Variants in ERICH6B observed in about 807,000 individuals in gnomAD.
ERICH6B encodes glutamate-rich protein 6B.
A neutral mutation model predicts 80.0 loss-of-function variants in ERICH6B; 69 were observed. The ratio of observed to expected loss-of-function variants is 0.86; its 90% CI spans 0.71 to 1.05. ERICH6B has a LOEUF of 1.05. ERICH6B is among the 50% of genes least tolerant of loss of function. ERICH6B has a pLI of 0.00. For synonymous variants in ERICH6B, 283 were observed against 291.9 expected (o/e 0.97, Z 0.31); for missense variants, 754 against 796.1 (o/e 0.95, Z 0.64).
intron 2 of ERICH6B, among the ~76,000 whole-genome samples, chr13:45,604,451 G>C (rs548382229): frequency 7.0e-4 from 107 of 152,266 alleles, no homozygotes; most frequent in African/African-American, 2.5e-3. Context: ...GGGGAGCTAA[G>C]GTTCTGTGTG....
intron 9 of ERICH6B, among the ~76,000 whole-genome samples, chr13:45,564,941 C>T (rs369159924): frequency 5.3e-5 from 8 of 152,156 alleles, no homozygotes; most frequent in African/African-American, 1.2e-4. Context: ...CCCCATCAGG[C>T]GGCTCTTCAA....
intron 11 of ERICH6B, among the ~76,000 whole-genome samples, chr13:45,560,599 C>T (rs1874630938): frequency 6.6e-6 from 1 of 152,208 alleles, no homozygotes; most frequent in Non-Finnish European, 1.5e-5. Context: ...CCCTAAAACT[C>T]CTGTGTTTCA....
intron 8 of ERICH6B, among the ~76,000 whole-genome samples, chr13:45,569,852 A>T (rs1875078351): frequency 6.6e-6 from 1 of 152,186 alleles, no homozygotes; most frequent in South Asian, 2.1e-4. Flanking sequence ...TCAGTGCTTC[A>T]GGACAGGTTG....
intron 5 of ERICH6B, among the ~76,000 whole-genome samples, chr13:45,586,252 A>C (rs1875895428): frequency 2.6e-5 from 4 of 151,984 alleles, no homozygotes. Flanking sequence ...TCCTAATTTC[A>C]TTTAACCACA....
intron 8 of ERICH6B, among the ~76,000 whole-genome samples, chr13:45,568,782 T>C (rs1875031430): frequency 1.3e-5 from 2 of 152,222 alleles, no homozygotes; most frequent in South Asian, 4.1e-4. Context: ...CATAAGATGG[T>C]TAGCAAGAAT....
chr13:45,572,873 AATGGAGGAG>A (rs2137991096), intron 8 of ERICH6B, among the ~76,000 whole-genome samples: 1 of 152,306 alleles, frequency 6.6e-6, no homozygotes, highest in African/African-American at 2.4e-5. Context: ...CACCTTTCAT[AATGGAGGAG>A]ATGCAAAAAC....
At chr13:45,548,324 C>T (rs538313880) in intron 13 of ERICH6B, among the ~76,000 whole-genome samples, 5 of 152,314 alleles carry the variant, frequency 3.3e-5, no homozygotes, top group Admixed American at 6.5e-5. Flanking sequence ...CAGTTAGGGT[C>T]GTGCCCTGAC....
intron 2 of ERICH6B, among the ~76,000 whole-genome samples, chr13:45,606,831 G>C (rs147076568): frequency 6.6e-6 from 1 of 151,930 alleles, no homozygotes. Flanking sequence ...TGGTATTACA[G>C]GCGTGAGCCA....
chr13:45,564,224 C>T (rs1008951047), intron 9 of ERICH6B, among the ~76,000 whole-genome samples: 1 of 152,186 alleles, frequency 6.6e-6, no homozygotes, highest in African/African-American at 2.4e-5. Flanking sequence ...TTTCAAATAG[C>T]CTTACTCAAA....
chr13:45,591,370 G>T (rs530980986), intron 3 of ERICH6B, among the ~76,000 whole-genome samples: 1 of 152,210 alleles, frequency 6.6e-6, no homozygotes, highest in Non-Finnish European at 1.5e-5. Context: ...GCTGAGGCGG[G>T]CGGATCACAA....
chr13:45,545,749 G>C (rs1456196533), intron 13 of ERICH6B, among the ~76,000 whole-genome samples: 1 of 152,198 alleles, frequency 6.6e-6, no homozygotes, highest in African/African-American at 2.4e-5. Context: ...ACACTGCCCT[G>C]TGTAGGGACA....
At position 45,541,419 on chromosome 13, in the gene ERICH6B, C is replaced by T. The variant is rs1009448591; in HGVS notation, c.*43G>A. On this transcript the variant is annotated 3_prime_UTR_variant, in exon 15 of 15. Coordinates refer to ENST00000298738, the MANE Select transcript of ERICH6B (RefSeq NM_182542.3). The stretch of plus-strand genomic sequence containing the variant: ...TTTTTCCCTGGAGCTCCCAAGGTCT[C>T]CAACTTCCTAAGGCATTTGGTGGAT... The T allele has an allele frequency of 2.6e-6, 4 of 1,525,630 alleles. No homozygotes were observed. The highest frequency in any genetic ancestry group is 3.6e-6 in the Non-Finnish European group (4 of 1,126,404). The allele number at this position is 1,525,630 out of a possible 1,614,324, so 94.5% of individuals were successfully genotyped here. A position where few individuals can be genotyped will look rare whatever the true frequency, so the allele number is the denominator to read the frequency against.
intron 13 of ERICH6B, among the ~76,000 whole-genome samples, chr13:45,549,209 G>C (rs1874110689): frequency 6.6e-6 from 1 of 151,930 alleles, no homozygotes; most frequent in East Asian, 1.9e-4. Flanking sequence ...GCTTGAACCG[G>C]GGAGGCAGAG....
intron 8 of ERICH6B, among the ~76,000 whole-genome samples, chr13:45,571,096 G>A (rs987759921): frequency 1.3e-5 from 2 of 152,180 alleles, no homozygotes; most frequent in Non-Finnish European, 2.9e-5. Context: ...TGCCTATCCT[G>A]GGAATGCAGT....
Position 45,541,584 on chromosome 13 carries a change from T to A in ERICH6B, c.1969A>T (p.Lys657Ter), listed in dbSNP as rs1431719232. 6.4e-7 allele frequency: 1 copy of A among 1,551,894 alleles called. No individual in the cohort carries two copies. ...TAQKIRVLLG[K>*]MNRLLNYATT... ...GCGTAATTCAGGAGCCTATTCATTT[T>A]CCCCAGAAGGACCCGGATCTTCTGG... The change falls in exon 15 of 15, where the codon AAA (lysine) becomes TAA (stop). Residue 657 changes from lysine to a stop codon, truncating the protein, a stop_gained. Coordinates refer to ENST00000298738, the MANE Select transcript of ERICH6B (RefSeq NM_182542.3). LOFTEE classifies it low-confidence loss of function (END_TRUNC).
chr13:45,600,893 T>C (rs1218931318), intron 2 of ERICH6B, among the ~76,000 whole-genome samples: 1 of 152,170 alleles, frequency 6.6e-6, no homozygotes, highest in East Asian at 1.9e-4. Flanking sequence ...AAATGGTAGT[T>C]CTATAAGTCC....
intron 1 of ERICH6B, among the ~76,000 whole-genome samples, chr13:45,608,051 G>A (rs1358511062): frequency 2.6e-5 from 4 of 152,148 alleles, no homozygotes; most frequent in African/African-American, 9.7e-5. Flanking sequence ...CAGTTGTTGA[G>A]ATAAAAATCA....
rs1279815889 is a variant in ERICH6B, at chr13:45,596,741, C to G, written c.265G>C (p.Glu89Gln). The change falls in exon 3 of 15, where the codon GAA becomes CAA. Residue 89 changes from glutamate (E) to glutamine (Q), a missense_variant. Coordinates refer to ENST00000298738, the MANE Select transcript of ERICH6B (RefSeq NM_182542.3). Reference sequence around the variant, plus strand: ...TACTCTTCCTCCTCCAGATGCTCTTCCTTCCCCAGATACTCTTCCTCCTTC... The same window carrying G: ...TACTCTTCCTCCTCCAGATGCTCTTGCTTCCCCAGATACTCTTCCTCCTTC... Reference protein sequence around the residue: ...YLKEEEYLGKEEHLEEEEYLE... With the variant: ...YLKEEEYLGKQEHLEEEEYLE... The G allele has an allele frequency of 4.5e-6, 7 of 1,551,662 alleles. No homozygotes were observed. In the African/African-American group the frequency reaches 9.6e-5, roughly 21 times the overall value.
chr13:45,582,635 G>A (rs1215166225), intron 5 of ERICH6B, among the ~76,000 whole-genome samples: 3 of 152,124 alleles, frequency 2.0e-5, no homozygotes, highest in East Asian at 1.9e-4. Flanking sequence ...ATGTTGTACT[G>A]GACAGAGCTC....
Sources: gnomAD v4.1 joint callset for allele counts (sites outside exome capture counted in the v4.1 genomes callset) on GRCh38, gnomAD v4.1.1 for gene constraint, MANE v1.5 for transcripts, NCBI Gene and HGNC (gene_info 2026-07-23, HGNC 2026-07-21) for gene names.